The following LARP7 variants were observed in gnomAD, a reference collection of about 807,000 sequenced individuals.
LARP7 encodes la-related protein 7.
Under a neutral mutation model 69.3 loss-of-function variants are expected in LARP7, and 52 were observed. That is an observed-to-expected ratio of 0.75 (90% confidence interval 0.60 to 0.95). The LOEUF (loss-of-function observed/expected upper bound fraction) is 0.95, where lower values mean the gene tolerates loss of function less well. LARP7 is among the 40% of genes least tolerant of loss of function. The pLI is 0.00. For missense variants in LARP7, 733 were observed against 673.0 expected (o/e 1.09, Z -0.99); for synonymous variants, 254 against 215.9 (o/e 1.18, Z -1.55).
chr4:112,649,846 T>C (rs1424175022), intron 9 of LARP7, 160 bp downstream of exon 9: 5 of 453,076 alleles, frequency 1.1e-5, no homozygotes, highest in Non-Finnish European at 1.9e-5. Flanking sequence ...GATGTGTTAC[T>C]TACTCTTGAT....
At position 112,647,499 on chromosome 4, in the gene LARP7, T is replaced by C. The variant is rs2048358840; in HGVS notation, c.947T>C (p.Ile316Thr). 21 of 1,613,254 alleles carry C rather than the reference T, an allele frequency of 1.3e-5. No homozygotes were observed. The highest frequency in any genetic ancestry group is 1.6e-5 in the Non-Finnish European group (19 of 1,179,704). Residue 316 changes from isoleucine (I) to threonine (T), a missense_variant, in exon 7 of 13, where the codon ATT becomes ACT. Physicochemically the swap from Ile to Thr is moderately conservative, Grantham distance 89 (BLOSUM62 -1). Transcript: ENST00000344442. Reference protein sequence around the residue: ...LAPRSKVKKIIQKDIIKEASE... With the variant: ...LAPRSKVKKITQKDIIKEASE... ...CCCCGATCAAAAGTAAAGAAAATTA[T>C]TCAGAAAGACATCATTAAGGAAGCA...
At chr4:112,653,965 C>A (rs541090708) in intron 11 of LARP7, 103 bp from the exon 12 acceptor site, 65 of 815,908 alleles carry the variant, frequency 8.0e-5, no homozygotes, top group East Asian at 5.9e-4. Flanking sequence ...TAAATATAAT[C>A]AAAAACTGTC....
rs762417072 is a variant in LARP7, at chr4:112,646,483, T to G, written c.303+32T>G. The G allele has an allele frequency of 7.4e-6, 10 of 1,359,468 alleles. No homozygotes were observed. The East Asian group carries it at 1.2e-4, about 17-fold the overall frequency. The allele number at this position is 1,359,468 out of a possible 1,614,324, so 84.2% of individuals were successfully genotyped here. A position where few individuals can be genotyped will look rare whatever the true frequency, so the allele number is the denominator to read the frequency against. ...ATCAAGAATAACTACTGTTTATATT[T>G]ATAGTTTATAATTATAAAGAATGTT... is the stretch of plus-strand genomic sequence containing the variant. On this transcript the variant is annotated intron_variant, in intron 3 of 12. Transcript: ENST00000344442.
At chr4:112,654,535 T>C (rs895200140) in intron 12 of LARP7, 2 of 161,200 alleles carry the variant, frequency 1.2e-5, no homozygotes, top group Non-Finnish European at 2.7e-5. Context: ...GGAGGCTCCA[T>C]AGATAAGATG....
chr4:112,638,510 G>A (rs1473473618), intron 1 of LARP7, among the ~76,000 whole-genome samples: 1 of 152,122 alleles, frequency 6.6e-6, no homozygotes, highest in Non-Finnish European at 1.5e-5. Context: ...ATTGTCCTGA[G>A]CAGTATTTAT....
intron 1 of LARP7, 179 bp from the exon 2 acceptor site, chr4:112,644,489 G>A (rs2048086644): frequency 8.5e-7 from 1 of 1,175,782 alleles, no homozygotes; most frequent in South Asian, 2.3e-5. Flanking sequence ...AACATAGAAG[G>A]TAAATTATTT....
At chr4:112,646,524 ATAT>A in intron 3 of LARP7, 61 bp from the exon 4 acceptor site, 1 of 1,257,892 alleles carries the variant, frequency 7.9e-7, no homozygotes, top group Non-Finnish European at 1.1e-6. Flanking sequence ...AATGATTATT[ATAT>A]GATTATAGCT....
In LARP7 at chr4:112,657,325, TG is replaced by T. The variant is rs1464759474; in HGVS notation, c.1748del (p.Ter583=). On this transcript the variant is annotated frameshift_variant and stop_lost, in exon 13 of 13. Coordinates refer to ENST00000344442, the MANE Select transcript of LARP7 (RefSeq NM_016648.4). LOFTEE classifies it high-confidence loss of function. The part of the protein sequence containing the change: ...SKHIRFSEYD[*>X] ...ACATATAAGATTTTCTGAATATGAT[TG>T]AAAAAAAAAACAGTTCACCTCTTAA... 7.7e-6 allele frequency: 12 copies of T among 1,549,450 alleles called. No homozygotes were observed. Among genetic ancestry groups the T allele is most frequent in the Non-Finnish European group, 1.1e-5 (12 of 1,139,956 alleles).
chr4:112,657,390 C>T lies in LARP7; in HGVS notation c.*63C>T. The T allele has an allele frequency of 1.3e-6, 1 of 753,020 alleles. No homozygotes were observed. The highest frequency in any genetic ancestry group is 2.1e-6 in the Non-Finnish European group (1 of 486,144). 46.6% of individuals were successfully genotyped at this position (753,020 alleles called of 1,614,324 possible). On this transcript the variant is annotated 3_prime_UTR_variant, in exon 13 of 13. Transcript: ENST00000344442. ...ACTTGAGCTGTTCTTGGGAGATTCA[C>T]TTTTATTATGGTAGCACTGCATAAT... is the stretch of plus-strand genomic sequence containing the variant.
intron 1 of LARP7, among the ~76,000 whole-genome samples, chr4:112,638,221 G>C (rs897158664): frequency 6.6e-6 from 1 of 152,082 alleles, no homozygotes; most frequent in Non-Finnish European, 1.5e-5. Flanking sequence ...GCTTGAACTC[G>C]GGAAGCAGAG....
At chr4:112,654,291 G>GT in intron 12 of LARP7, 132 bp downstream of exon 12, 1 of 543,498 alleles carries the variant, frequency 1.8e-6, no homozygotes, top group East Asian at 2.9e-5. Context: ...TATATACTAT[G>GT]TTTTAGGTTG....
rs188007208 is a variant in LARP7, at chr4:112,641,422, T to G, written c.-2-3246T>G. Among the ~76,000 whole-genome samples the G allele has an allele frequency of 7.9e-5, 12 of 151,638 alleles. No homozygotes were observed. In the East Asian group the frequency reaches 2.3e-3, roughly 29 times the overall value. ...AAAAAAAAGAAACCTTTGGAGGAGT[T>G]TGTGTAAGGAATTGGCATGATCTGA... On this transcript the variant is annotated intron_variant, in intron 1 of 12. Coordinates refer to ENST00000344442, the MANE Select transcript of LARP7 (RefSeq NM_016648.4).
intron 1 of LARP7, among the ~76,000 whole-genome samples, chr4:112,640,126 A>G (rs2047903253): frequency 6.6e-6 from 1 of 152,018 alleles, no homozygotes; most frequent in African/African-American, 2.4e-5. Flanking sequence ...TTTAGTAGAG[A>G]CTGGGTTTCA....
At position 112,646,591 on chromosome 4, in the gene LARP7, G is replaced by A. The variant is rs775598872; in HGVS notation, c.307G>A (p.Asp103Asn). The change falls in exon 4 of 13, where the codon GAT becomes AAT. Residue 103 changes from aspartate (D) to asparagine (N), a missense_variant. Asp to Asn is a conservative substitution (Grantham distance 23, BLOSUM62 1). Transcript: ENST00000344442. ...ALRSSAVVEL[D>N]LEGTRIRRKK... ...AATGTAATATACTATTTTAAAGCTT[G>A]ATTTGGAAGGCACCAGAATCCGGAG... The A allele has an allele frequency of 6.4e-7, 1 of 1,573,884 alleles. No homozygotes were observed. The highest frequency in any genetic ancestry group is 1.2e-5 in the South Asian group (1 of 85,322).
chr4:112,648,045 G>A (rs1225148979), intron 8 of LARP7: 2 of 652,146 alleles, frequency 3.1e-6, no homozygotes, highest in African/African-American at 3.5e-5. Context: ...TCATGTCACA[G>A]CAAGTGCCTC....
In LARP7 at chr4:112,646,689, G is replaced by C. The variant is rs2048275014; in HGVS notation, c.387+18G>C. ...TGTATGTGGTAAGCTTAAGAACCCG[G>C]GTCCCCAGTCAGAAACTGGCACAGA... is the stretch of plus-strand genomic sequence containing the variant. On this transcript the variant is annotated intron_variant, in intron 4 of 12. Coordinates refer to ENST00000344442, the MANE Select transcript of LARP7 (RefSeq NM_016648.4). The C allele has an allele frequency of 1.9e-6, 3 of 1,578,582 alleles. No individual in the cohort carries two copies. Among genetic ancestry groups the C allele is most frequent in the Admixed American group, 1.9e-5 (1 of 52,956 alleles).
chr4:112,647,601 G>GTTTTTAATTAA (rs2048373294), intron 7 of LARP7, 52 bp downstream of exon 7: 2 of 1,459,540 alleles, frequency 1.4e-6, no homozygotes, highest in African/African-American at 2.9e-5. Context: ...TAATTAATTA[G>GTTTTTAATTAA]TTTTTAATTA....
At chr4:112,653,748 C>T (rs537096456) in intron 11 of LARP7, among the ~76,000 whole-genome samples, 48 of 152,222 alleles carry the variant, frequency 3.2e-4, no homozygotes, top group African/African-American at 1.1e-3. Flanking sequence ...CTTGGCCCCC[C>T]AAAGTGCTGG....
At chr4:112,649,874 G>T (rs550901067) in intron 9 of LARP7, 188 bp downstream of exon 9, 3 of 392,112 alleles carry the variant, frequency 7.7e-6, no homozygotes, top group Admixed American at 9.0e-5. Flanking sequence ...TATTTAAAAG[G>T]CTCATTTAAA....
Sources: gnomAD v4.1 joint callset for allele counts (sites outside exome capture counted in the v4.1 genomes callset) on GRCh38, gnomAD v4.1.1 for gene constraint, MANE v1.5 for transcripts, NCBI Gene and HGNC (gene_info 2026-07-23, HGNC 2026-07-21) for gene names.